The following EPHA8 variants were observed in gnomAD, a reference collection of about 807,000 sequenced individuals.
The protein encoded by EPHA8 is ephrin type-A receptor 8.
In EPHA8, 58 loss-of-function variants were observed where a neutral mutation model predicts 103.6. That is an observed-to-expected ratio of 0.56 (90% confidence interval 0.45 to 0.70). The LOEUF is 0.70. Among genes scored for constraint, EPHA8 ranks in the 30% least tolerant of loss-of-function variants. The probability of loss-of-function intolerance (pLI) is 0.00; values close to 1 mark genes in which losing one functional copy is unlikely to be tolerated. For missense variants in EPHA8, 1,304 were observed against 1,395.2 expected (o/e 0.93, Z 1.04); for synonymous variants, 559 against 572.5 (o/e 0.98, Z 0.34).
chr1:22,601,509 G>C (rs1488004745), intron 16 of EPHA8, 36 bp downstream of exon 16: 1 of 1,604,288 alleles, frequency 6.2e-7, no homozygotes. Context: ...CCATGCGTGT[G>C]GGGGCAGGGG....
chr1:22,597,597 G>C lies in EPHA8; in HGVS notation c.1931-79G>C. 6.5e-7 allele frequency: 1 copy of C among 1,548,868 alleles called. No individual in the cohort carries two copies. Among genetic ancestry groups the C allele is most frequent in the Admixed American group, 1.9e-5 (1 of 53,502 alleles). ...CCCAGGGGTCTGGCAAGCCCAGGGG[G>C]TCCAAGGGCCTGGGAGGCTGGGGGA... On this transcript the variant is annotated intron_variant, in intron 10 of 16. Transcript: ENST00000166244. This position sits in a 1 kb window ranked among gnomAD's most constrained non-coding sequence, Gnocchi z 4.6.
At chr1:22,578,191 TGTGTGTGCGTGCGA>T (rs1485809035) in intron 3 of EPHA8, among the ~76,000 whole-genome samples, 5,310 of 116,182 alleles carry the variant, frequency 0.046, 106 homozygotes, top group South Asian at 0.086. Flanking sequence ...TGTGCGTGCA[TGTGTGTGCGTGCGA>T]GTGTGTGCGT....
At chr1:22,578,844 T>TGTGTGCATGCATGTGTGTATATGCAC (rs1353197061) in intron 3 of EPHA8, among the ~76,000 whole-genome samples, 11 of 151,466 alleles carry the variant, frequency 7.3e-5, no homozygotes, top group Admixed American at 7.2e-4. Context: ...TGTATATGCA[T>TGTGTGCATGCATGTGTGTATATGCAC]GTGTGCATGC....
At chr1:22,601,113 T>C in intron 15 of EPHA8, 25 bp downstream of exon 15, 1 of 1,586,230 alleles carries the variant, frequency 6.3e-7, no homozygotes, top group Non-Finnish European at 8.6e-7. Flanking sequence ...CCCCAGCTCC[T>C]TGAGGCCCAG....
intron 5 of EPHA8, 49 bp from the exon 6 acceptor site, chr1:22,593,277 G>A (rs751353482): frequency 7.2e-6 from 11 of 1,537,512 alleles, no homozygotes; most frequent in South Asian, 1.2e-5. Context: ...TGGGAGAGAG[G>A]CCACGCCTTG....
At chr1:22,578,362 A>ATG (rs1557560459) in intron 3 of EPHA8, among the ~76,000 whole-genome samples, 1 of 130,378 alleles carries the variant, frequency 7.7e-6, no homozygotes, top group Non-Finnish European at 1.6e-5. Flanking sequence ...GTGTGCGTGC[A>ATG]TGTGTGCGTG....
chr1:22,577,946 C>CGTT, intron 3 of EPHA8, among the ~76,000 whole-genome samples: 1 of 1,172 alleles, frequency 8.5e-4, no homozygotes, highest in Non-Finnish European at 2.2e-3. Context: ...TGTATGTGTG[C>CGTT]GAGTGTATGC....
chr1:22,589,523 C>T lies in EPHA8; in HGVS notation c.1315+317C>T. On this transcript the variant is annotated intron_variant, in intron 5 of 16. Coordinates refer to ENST00000166244, the MANE Select transcript of EPHA8 (RefSeq NM_020526.5). This position sits in a 1 kb window ranked among gnomAD's most constrained non-coding sequence, Gnocchi z 4.3. ...GTGCAATGGGAATAATAGTACCTGC[C>T]TGAGGTCCTCTCAGGAGGCTTAAAT... 7.1e-7 allele frequency: 1 copy of T among 1,398,610 alleles called. No individual in the cohort carries two copies. The highest frequency in any genetic ancestry group is 9.3e-7 in the Non-Finnish European group (1 of 1,080,788). The allele number at this position is 1,398,610 out of a possible 1,614,324, so 86.6% of individuals were successfully genotyped here. A position where few individuals can be genotyped will look rare whatever the true frequency, so the allele number is the denominator to read the frequency against.
chr1:22,564,336 A>C (rs1166711264), intron 1 of EPHA8, among the ~76,000 whole-genome samples: 1 of 147,324 alleles, frequency 6.8e-6, no homozygotes, highest in Non-Finnish European at 1.5e-5. Context: ...CGAGGGCCAC[A>C]GTCTGGCGAC....
intron 7 of EPHA8, 25 bp downstream of exon 7, chr1:22,593,711 C>T (rs1315578787): frequency 5.8e-6 from 9 of 1,546,948 alleles, no homozygotes; most frequent in East Asian, 4.7e-5. Flanking sequence ...GGGGCGTGGG[C>T]GCGGAGCAGC....
intron 3 of EPHA8, among the ~76,000 whole-genome samples, chr1:22,585,950 T>C (rs1641191925): frequency 6.6e-6 from 1 of 152,078 alleles, no homozygotes; most frequent in Non-Finnish European, 1.5e-5. Flanking sequence ...TTGGGAGCAA[T>C]GGGTCTTACC....
At chr1:22,592,088 A>C (rs1352956926) in intron 5 of EPHA8, among the ~76,000 whole-genome samples, 1 of 152,146 alleles carries the variant, frequency 6.6e-6, no homozygotes, top group Non-Finnish European at 1.5e-5. Flanking sequence ...ATCAAGCGAC[A>C]GCTCTAAGCA....
intron 13 of EPHA8, among the ~76,000 whole-genome samples, chr1:22,599,938 GGGGAGGGA>G (rs149534815): frequency 1.7e-5 from 1 of 59,100 alleles, no homozygotes; most frequent in African/African-American, 8.3e-5. Context: ...GGAGGGAGTG[GGGGAGGGA>G]GGGAGGGAGG....
At chr1:22,565,638 C>T (rs903692613) in intron 1 of EPHA8, among the ~76,000 whole-genome samples, 1 of 152,206 alleles carries the variant, frequency 6.6e-6, no homozygotes, top group African/African-American at 2.4e-5. Context: ...GAATCACAGG[C>T]TGGTAGCCCC....
At chr1:22,580,127 CTTTTTTTTTTTTTTTTTT>C (rs764600240) in intron 3 of EPHA8, among the ~76,000 whole-genome samples, 89 of 97,428 alleles carry the variant, frequency 9.1e-4, no homozygotes, top group African/African-American at 3.8e-3. Flanking sequence ...CTTTCTTTCT[CTTTTTTTTTTTTTTTTTT>C]TTTTTTTTTG....
At chr1:22,580,862 A>G (rs1373531664) in intron 3 of EPHA8, among the ~76,000 whole-genome samples, 2 of 152,350 alleles carry the variant, frequency 1.3e-5, no homozygotes, top group East Asian at 3.9e-4. Context: ...TGAGCCAGGT[A>G]CAGGCTTTTA....
chr1:22,563,506 C>T lies in EPHA8; in HGVS notation c.-130C>T, dbSNP rs1640255096. 2 of 145,752 alleles carry T rather than the reference C, an allele frequency of 1.4e-5. No individual in the cohort carries two copies. The highest frequency in any genetic ancestry group is 1.4e-4 in the Admixed American group (2 of 14,666). 9.0% of individuals were successfully genotyped at this position (145,752 alleles called of 1,614,324 possible). A position where few individuals can be genotyped will look rare whatever the true frequency, so the allele number is the denominator to read the frequency against. On this transcript the variant is annotated 5_prime_UTR_variant, in exon 1 of 17. Transcript: ENST00000166244. This position sits in a 1 kb window ranked among gnomAD's most constrained non-coding sequence, Gnocchi z 4.4. ...GTGCCCGCGTGTGCGCTGGGAGCCG[C>T]GTGTGCGCCGGGGTGTGCGCCCGGC...
At position 22,597,229 on chromosome 1, in the gene EPHA8, C is replaced by T. The variant is rs1010081987; in HGVS notation, c.1766-83C>T. 3 of 1,270,036 alleles carry T rather than the reference C, an allele frequency of 2.4e-6. No individual in the cohort carries two copies. The highest frequency in any genetic ancestry group is 2.9e-5 in the South Asian group (2 of 69,012). The allele number at this position is 1,270,036 out of a possible 1,614,324, so 78.7% of individuals were successfully genotyped here. Reference sequence around the variant, plus strand: ...TCCCAGAGACACCCCTCACCCCACCCCAGACCCATCCCAGGCCCAGGGAAT... The same window carrying T: ...TCCCAGAGACACCCCTCACCCCACCTCAGACCCATCCCAGGCCCAGGGAAT... On this transcript the variant is annotated intron_variant, in intron 9 of 16. Coordinates refer to ENST00000166244, the MANE Select transcript of EPHA8 (RefSeq NM_020526.5). This position sits in a 1 kb window ranked among gnomAD's most constrained non-coding sequence, Gnocchi z 4.6.
In EPHA8 at chr1:22,593,467, G is replaced by A. The variant is rs199652427; in HGVS notation, c.1440+17G>A. On this transcript the variant is annotated intron_variant, in intron 6 of 16. Coordinates refer to ENST00000166244, the MANE Select transcript of EPHA8 (RefSeq NM_020526.5). Reference sequence around the variant, plus strand: ...TACGAGAAGGTACCACGGGCAGGACGGAGTGGGAGGGGCTGGGCCAGCAGG... The same window carrying A: ...TACGAGAAGGTACCACGGGCAGGACAGAGTGGGAGGGGCTGGGCCAGCAGG... 79 of 1,609,934 alleles carry A rather than the reference G, an allele frequency of 4.9e-5. No individual in the cohort carries two copies. In the African/African-American group the frequency reaches 6.8e-4, roughly 14 times the overall value.
Sources: gnomAD v4.1 joint callset for allele counts (sites outside exome capture counted in the v4.1 genomes callset) on GRCh38, gnomAD v4.1.1 for gene constraint, Gnocchi (gnomAD v3.1) non-coding constraint, MANE v1.5 for transcripts, NCBI Gene and HGNC (gene_info 2026-07-23, HGNC 2026-07-21) for gene names.